JADE2: variants seen among roughly 807,000 people sequenced by gnomAD.
JADE2 encodes the protein jade family PHD finger 2, also known as E3 ubiquitin-protein ligase Jade-2.
In JADE2, 13 loss-of-function variants were observed where a neutral mutation model predicts 85.7. The observed-to-expected ratio is 0.15, with a 90% CI of 0.10 to 0.24. The LOEUF (loss-of-function observed/expected upper bound fraction) is 0.24. JADE2 is among the 10% of genes least tolerant of loss of function. The pLI is 1.00. For missense variants in JADE2, 846 were observed against 1,115.9 expected (o/e 0.76, Z 3.45); for synonymous variants, 440 against 456.1 (o/e 0.96, Z 0.45).
intron 4 of JADE2, among the ~76,000 whole-genome samples, chr5:134,559,621 G>A (rs1187017113): frequency 1.3e-5 from 2 of 152,196 alleles, no homozygotes; most frequent in Non-Finnish European, 2.9e-5. Flanking sequence ...TCTGTGTACT[G>A]CCTGTTCACC....
rs561495723 is a variant in JADE2 at position 134,563,730 on chromosome 5, G to C, written c.853-764G>C. On this transcript the variant is annotated intron_variant, in intron 7 of 11. Transcript: ENST00000681547. ...TGTCAGCAGTAGGCACTTGCTTGCA[G>C]ATCAGCATGTTGAAGACTGGGACCA... Among the ~76,000 whole-genome samples the C allele has an allele frequency of 1.0e-3, 158 of 152,368 alleles. No homozygotes were observed. In the Middle Eastern group the frequency reaches 0.014, roughly 13 times the overall value.
chr5:134,536,345 G>A (rs1053619029), intron 2 of JADE2, among the ~76,000 whole-genome samples: 8 of 152,130 alleles, frequency 5.3e-5, no homozygotes, highest in Non-Finnish European at 1.0e-4. Context: ...CTCTTGTCTT[G>A]CTTACCACTA....
intron 9 of JADE2, among the ~76,000 whole-genome samples, chr5:134,572,852 C>T (rs888382886): frequency 1.3e-5 from 2 of 152,260 alleles, no homozygotes; most frequent in African/African-American, 2.4e-5. Flanking sequence ...GCTTAGCAAG[C>T]TGGTGTCTAA....
chr5:134,537,938 G>A (rs1251488072), intron 2 of JADE2, 51 bp from the exon 3 acceptor site: 2 of 1,355,158 alleles, frequency 1.5e-6, no homozygotes, highest in Non-Finnish European at 2.1e-6. Flanking sequence ...GCATGAGTGG[G>A]TGGTGCTCCT....
intron 1 of JADE2, among the ~76,000 whole-genome samples, chr5:134,534,430 A>G (rs1381290812): frequency 6.6e-6 from 1 of 152,118 alleles, no homozygotes; most frequent in South Asian, 2.1e-4. Flanking sequence ...GCTGGGCGGC[A>G]GGCAGCCTCA....
intron 3 of JADE2, among the ~76,000 whole-genome samples, chr5:134,549,670 A>AG (rs201254552): frequency 0.013 from 1,935 of 152,078 alleles, 17 homozygotes; most frequent in Admixed American, 0.02. Context: ...ACAAAAAAAA[A>AG]AAGTTACAGC....
intron 4 of JADE2, among the ~76,000 whole-genome samples, chr5:134,558,738 A>G (rs1160164193): frequency 2.0e-5 from 3 of 152,152 alleles, no homozygotes; most frequent in Non-Finnish European, 4.4e-5. Flanking sequence ...GGGTTTCCTC[A>G]TGTTGGTCAG....
intron 3 of JADE2, among the ~76,000 whole-genome samples, chr5:134,551,058 C>T (rs898695297): frequency 6.6e-6 from 1 of 152,120 alleles, no homozygotes; most frequent in Non-Finnish European, 1.5e-5. Flanking sequence ...GGCCGTCCCC[C>T]AGCTGTTTGC....
chr5:134,561,069 G>A (rs1763294100), intron 6 of JADE2, 112 bp downstream of exon 6: 2 of 861,798 alleles, frequency 2.3e-6, no homozygotes, highest in African/African-American at 1.7e-5. Flanking sequence ...TTAAGAAGGA[G>A]GAGGAAGGGA....
At chr5:134,552,321 T>C in intron 4 of JADE2, 112 bp downstream of exon 4, 2 of 921,896 alleles carry the variant, frequency 2.2e-6, no homozygotes, top group South Asian at 3.5e-5. Context: ...TCCATCTCTA[T>C]TCTGTATTCC....
chr5:134,564,335 C>T (rs1324334460), intron 7 of JADE2, 159 bp from the exon 8 acceptor site: 5 of 545,442 alleles, frequency 9.2e-6, no homozygotes, highest in Middle Eastern at 5.7e-4. Context: ...GGCCTTTGAG[C>T]CATGCTTGTT....
chr5:134,532,463 G>A (rs1761306295), intron 1 of JADE2, among the ~76,000 whole-genome samples: 1 of 152,218 alleles, frequency 6.6e-6, no homozygotes, highest in African/African-American at 2.4e-5. Flanking sequence ...GTGTCTCCAT[G>A]CTGGGGGTTG....
intron 1 of JADE2, chr5:134,526,239 A>T (rs1277873141): frequency 2.0e-6 from 2 of 985,274 alleles, no homozygotes; most frequent in South Asian, 9.4e-5. Flanking sequence ...TAAAGAGTAC[A>T]GTGCGGGGAG....
chr5:134,527,679 C>T (rs1334327307), intron 1 of JADE2, among the ~76,000 whole-genome samples: 1 of 150,562 alleles, frequency 6.6e-6, no homozygotes, highest in African/African-American at 2.4e-5. Context: ...GGAATCACGC[C>T]GGCGCGCCTC....
intron 4 of JADE2, among the ~76,000 whole-genome samples, chr5:134,554,738 C>T (rs1177143670): frequency 6.6e-6 from 1 of 152,106 alleles, no homozygotes; most frequent in East Asian, 1.9e-4. Context: ...CTCCACGCCT[C>T]TTCTGTTGCT....
At chr5:134,555,353 A>G (rs151171125) in intron 4 of JADE2, among the ~76,000 whole-genome samples, 43 of 152,170 alleles carry the variant, frequency 2.8e-4, no homozygotes, top group African/African-American at 9.9e-4. Flanking sequence ...CTCCCCTCCC[A>G]TAGATCCCAG....
chr5:134,565,024 A>G (rs1376889717), intron 8 of JADE2, among the ~76,000 whole-genome samples: 1 of 152,198 alleles, frequency 6.6e-6, no homozygotes, highest in Non-Finnish European at 1.5e-5. Context: ...TCTTTAGCAA[A>G]GCCTATTCCC....
intron 7 of JADE2, 169 bp from the exon 8 acceptor site, chr5:134,564,325 G>A (rs532016501): frequency 3.0e-4 from 159 of 536,092 alleles, no homozygotes; most frequent in Non-Finnish European, 4.6e-4. Flanking sequence ...GAGGAATTCC[G>A]GCCTTTGAGC....
chr5:134,562,150 A>G lies in JADE2; in HGVS notation c.685-50A>G. 1 of 1,544,982 alleles carries G rather than the reference A, an allele frequency of 6.5e-7. No homozygotes were observed. Among genetic ancestry groups the G allele is most frequent in the Non-Finnish European group, 8.8e-7 (1 of 1,140,100 alleles). ...CCAAATGCAGCTGACTGCTGACCAGACACAGATTGGCCAGTTCCGCTGACT... is the reference window on the plus strand; with the variant it reads ...CCAAATGCAGCTGACTGCTGACCAGGCACAGATTGGCCAGTTCCGCTGACT... On this transcript the variant is annotated intron_variant, in intron 6 of 11. Coordinates refer to ENST00000681547, the MANE Select transcript of JADE2 (RefSeq NM_001388185.1). The surrounding 1 kb of genome is among the most constrained non-coding windows in gnomAD (Gnocchi z 4.6).
Sources: allele counts gnomAD v4.1 joint callset (sites outside exome capture counted in the v4.1 genomes callset), GRCh38; gene constraint gnomAD v4.1.1; non-coding constraint Gnocchi (gnomAD v3.1); transcripts MANE v1.5; gene names NCBI Gene and HGNC (gene_info 2026-07-23, HGNC 2026-07-21).